Variants in NXT1 observed in about 807,000 individuals in gnomAD.
The protein encoded by NXT1 is nuclear transport factor 2 like export factor 1.
Under a neutral mutation model 9.9 loss-of-function variants are expected in NXT1, and 3 were observed. That is an observed-to-expected ratio of 0.30 (90% confidence interval 0.14 to 0.79). The LOEUF is 0.79. NXT1 is among the 30% of genes least tolerant of loss of function. The pLI is 0.63. For synonymous variants in NXT1, 53 were observed against 66.5 expected (o/e 0.80, Z 0.99); for missense variants, 91 against 178.2 (o/e 0.51, Z 2.79).
In NXT1 at chr20:23,354,724, A is replaced by G; in HGVS notation, c.*260A>G. 1 of 461,982 alleles carries G rather than the reference A, an allele frequency of 2.2e-6. No homozygotes were observed. The highest frequency in any genetic ancestry group is 3.9e-5 in the East Asian group (1 of 25,738). 28.6% of individuals were successfully genotyped at this position (461,982 alleles called of 1,614,324 possible). On this transcript the variant is annotated 3_prime_UTR_variant, in exon 2 of 2. Coordinates refer to ENST00000254998, the MANE Select transcript of NXT1 (RefSeq NM_013248.3). ...TTCTACTTGCCCAGTAGAGACTCTG[A>G]TTCTGGAAATTCTGACAAATAATTT...
chr20:23,353,402 C>T (rs1386825489), intron 1 of NXT1, among the ~76,000 whole-genome samples: 1 of 152,174 alleles, frequency 6.6e-6, no homozygotes, highest in African/African-American at 2.4e-5. Flanking sequence ...GGCAGATCAC[C>T]TGAGGTCAGG....
At chr20:23,353,916 C>G in intron 1 of NXT1, 65 bp from the exon 2 acceptor site, 1 of 885,328 alleles carries the variant, frequency 1.1e-6, no homozygotes, top group Non-Finnish European at 1.8e-6. Context: ...GAGGAATGTT[C>G]CATTGTCAGG....
At chr20:23,352,021 C>T (rs1371910776) in intron 1 of NXT1, among the ~76,000 whole-genome samples, 1 of 152,166 alleles carries the variant, frequency 6.6e-6, no homozygotes, top group East Asian at 1.9e-4. Context: ...AAATATTCTT[C>T]AGAAAAAGAA....
At chr20:23,351,242 G>A (rs1348734895) in intron 1 of NXT1, 181 bp downstream of exon 1, 1 of 152,374 alleles carries the variant, frequency 6.6e-6, no homozygotes, top group Non-Finnish European at 1.5e-5. Flanking sequence ...AACGAGGGGA[G>A]GCGCGTCCCC....
intron 1 of NXT1, among the ~76,000 whole-genome samples, chr20:23,352,181 C>T (rs1980285844): frequency 1.3e-5 from 2 of 152,148 alleles, no homozygotes; most frequent in Admixed American, 1.3e-4. Context: ...GAGGATGCTG[C>T]GCATAGGTTA....
intron 1 of NXT1, among the ~76,000 whole-genome samples, chr20:23,352,369 G>A (rs1352602957): frequency 3.3e-5 from 5 of 152,156 alleles, no homozygotes; most frequent in Non-Finnish European, 1.5e-5. Context: ...TCTGAAATTG[G>A]CTCTTAACTG....
Position 23,350,851 on chromosome 20 carries a change from C to G in NXT1, c.-272C>G, listed in dbSNP as rs1329664102. On this transcript the variant is annotated 5_prime_UTR_variant, in exon 1 of 2. Transcript: ENST00000254998. ...AGCCGCGGAACTGCGCCGGAAAGTCCCCCGGCTCTGGGGCCCCGGTGACCC... is the reference window on the plus strand; with the variant it reads ...AGCCGCGGAACTGCGCCGGAAAGTCGCCCGGCTCTGGGGCCCCGGTGACCC... 1 of 152,336 alleles carries G rather than the reference C, an allele frequency of 6.6e-6. No homozygotes were observed. Among genetic ancestry groups the G allele is most frequent in the East Asian group, 1.9e-4 (1 of 5,144 alleles). The allele number at this position is 152,336 out of a possible 1,614,324, so 9.4% of individuals were successfully genotyped here.
At position 23,354,017 on chromosome 20, in the gene NXT1, G is replaced by A. The variant is rs1157314156; in HGVS notation, c.-25G>A. ...CCAAGGCAGAGGAAATACCCTGGTG[G>A]AGCCCTCCTTCCATAGAACCAGAGA... is the stretch of plus-strand genomic sequence containing the variant. On this transcript the variant is annotated 5_prime_UTR_variant, in exon 2 of 2. Transcript: ENST00000254998. 1.9e-6 allele frequency: 3 copies of A among 1,600,616 alleles called. No homozygotes were observed. The highest frequency in any genetic ancestry group is 2.6e-6 in the Non-Finnish European group (3 of 1,170,350).
chr20:23,353,927 G>A, intron 1 of NXT1, 54 bp from the exon 2 acceptor site: 3 of 967,782 alleles, frequency 3.1e-6, no homozygotes, highest in African/African-American at 1.6e-5. Flanking sequence ...CATTGTCAGG[G>A]CAGAATGAAC....
At chr20:23,353,510 C>T (rs6083083) in intron 1 of NXT1, among the ~76,000 whole-genome samples, 43,524 of 152,086 alleles carry the variant, frequency 0.29, 6,488 homozygotes, top group Middle Eastern at 0.37. Flanking sequence ...TTCCCAGCTA[C>T]TTGGGAGGCT....
At chr20:23,353,196 C>CT (rs1421578517) in intron 1 of NXT1, among the ~76,000 whole-genome samples, 1 of 152,176 alleles carries the variant, frequency 6.6e-6, no homozygotes. Context: ...CAAATGTACT[C>CT]TATTTTATAA....
chr20:23,354,736 C>G lies in NXT1; in HGVS notation c.*272C>G, dbSNP rs1477318802. ...AGTAGAGACTCTGATTCTGGAAATT[C>G]TGACAAATAATTTAATAATACACAT... On this transcript the variant is annotated 3_prime_UTR_variant, in exon 2 of 2. Transcript: ENST00000254998. 2.2e-6 allele frequency: 1 copy of G among 452,802 alleles called. No individual in the cohort carries two copies. The highest frequency in any genetic ancestry group is 2.0e-5 in the African/African-American group (1 of 49,812). The allele number at this position is 452,802 out of a possible 1,614,324, so 28.0% of individuals were successfully genotyped here. A position where few individuals can be genotyped will look rare whatever the true frequency, so the allele number is the denominator to read the frequency against.
At chr20:23,351,694 G>C (rs1450486217) in intron 1 of NXT1, among the ~76,000 whole-genome samples, 3 of 152,192 alleles carry the variant, frequency 2.0e-5, no homozygotes, top group Admixed American at 2.0e-4. Context: ...GTCCCTGGGA[G>C]AAAATTCCCA....
intron 1 of NXT1, among the ~76,000 whole-genome samples, chr20:23,351,765 T>A (rs955144125): frequency 1.3e-5 from 2 of 152,236 alleles, no homozygotes; most frequent in African/African-American, 4.8e-5. Context: ...AGGACAGCGT[T>A]GTATTGACAA....
intron 1 of NXT1, among the ~76,000 whole-genome samples, chr20:23,353,138 G>T (rs1277936726): frequency 6.6e-6 from 1 of 152,216 alleles, no homozygotes; most frequent in African/African-American, 2.4e-5. Flanking sequence ...TTACCAAGGG[G>T]CTGTCATGTC....
At chr20:23,353,441 G>A (rs1044232750) in intron 1 of NXT1, among the ~76,000 whole-genome samples, 2 of 152,188 alleles carry the variant, frequency 1.3e-5, no homozygotes, top group African/African-American at 2.4e-5. Context: ...CCAACATGGC[G>A]AAACCCTGTC....
Position 23,354,147 on chromosome 20 carries a change from T to A in NXT1, c.106T>A (p.Ser36Thr). 6.2e-7 allele frequency: 1 copy of A among 1,614,112 alleles called. No individual in the cohort carries two copies. The highest frequency in any genetic ancestry group is 8.5e-7 in the Non-Finnish European group (1 of 1,180,034). Residue 36 changes from serine to threonine, a missense_variant, in exon 2 of 2, where the codon TCC becomes ACC. By Grantham distance (58) the Ser-to-Thr change is moderately conservative. Coordinates refer to ENST00000254998, the MANE Select transcript of NXT1 (RefSeq NM_013248.3). Reference protein sequence around the residue: ...TTMDKRRRLLSRLYMGTATLV... With the variant: ...TTMDKRRRLLTRLYMGTATLV... ...CATGGATAAGCGGCGGCGTTTGCTG[T>A]CCCGCCTGTACATGGGCACAGCCAC... is the stretch of plus-strand genomic sequence containing the variant.
At chr20:23,353,271 G>GCC (rs1031404028) in intron 1 of NXT1, among the ~76,000 whole-genome samples, 1 of 152,170 alleles carries the variant, frequency 6.6e-6, no homozygotes, top group Non-Finnish European at 1.5e-5. Flanking sequence ...GATTCCAGCA[G>GCC]CCCCCCTAGC....
rs1046257872 is a variant in NXT1 at position 23,350,920 on chromosome 20, C to T, written c.-203C>T. On this transcript the variant is annotated 5_prime_UTR_variant, in exon 1 of 2. Transcript: ENST00000254998. ...GGAGGAGGAGGAGAGAAAGGCGGCT[C>T]TTCCCGTGCCCCTACCAGAGGCTTC... 27 of 152,308 alleles carry T rather than the reference C, an allele frequency of 1.8e-4. No homozygotes were observed. The highest frequency in any genetic ancestry group is 6.0e-4 in the African/African-American group (25 of 41,562). 9.4% of individuals were successfully genotyped at this position (152,308 alleles called of 1,614,324 possible).
Sources: allele counts gnomAD v4.1 joint callset (sites outside exome capture counted in the v4.1 genomes callset), GRCh38; gene constraint gnomAD v4.1.1; transcripts MANE v1.5; gene names NCBI Gene and HGNC (gene_info 2026-07-23, HGNC 2026-07-21).